CSRNP3: variants seen among roughly 807,000 people sequenced by gnomAD.
CSRNP3 encodes cysteine/serine-rich nuclear protein 3.
Under a neutral mutation model 48.0 loss-of-function variants are expected in CSRNP3, and 12 were observed. The observed-to-expected ratio is 0.25, with a 90% CI of 0.16 to 0.41. The LOEUF is 0.41. Ranked by LOEUF, CSRNP3 falls within the 10% of genes least tolerant of loss-of-function variation. The pLI is 1.00. For synonymous variants in CSRNP3, 263 were observed against 269.7 expected, an observed-to-expected ratio of 0.98 and a Z score of 0.24; for missense variants, 580 against 724.4, an observed-to-expected ratio of 0.80 and a Z score of 2.29.
intron 4 of CSRNP3, among the ~76,000 whole-genome samples, chr2:165,647,259 T>C (rs1686829158): frequency 6.6e-6 from 1 of 152,242 alleles, no homozygotes; most frequent in African/African-American, 2.4e-5. Context: ...TAATGGATTT[T>C]AGCAAGTATT....
At chr2:165,565,033 C>G (rs1433753915) in intron 3 of CSRNP3, among the ~76,000 whole-genome samples, 1 of 151,952 alleles carries the variant, frequency 6.6e-6, no homozygotes, top group East Asian at 1.9e-4. Context: ...GAAACAGTAG[C>G]AGTATAACGC....
At chr2:165,607,292 T>G (rs1055390571) in intron 4 of CSRNP3, among the ~76,000 whole-genome samples, 1 of 152,182 alleles carries the variant, frequency 6.6e-6, no homozygotes, top group African/African-American at 2.4e-5. Context: ...AGAAGAACCT[T>G]GTAGCACCAT....
intron 3 of CSRNP3, among the ~76,000 whole-genome samples, chr2:165,563,445 A>G (rs574478112): frequency 6.6e-6 from 1 of 152,064 alleles, no homozygotes; most frequent in Non-Finnish European, 1.5e-5. Context: ...TTTTTTGTCT[A>G]TAAATCTTAT....
Position 165,592,863 on chromosome 2 carries a change from G to A in CSRNP3, c.-23-2180G>A, listed in dbSNP as rs367826959. On this transcript the variant is annotated intron_variant, in intron 3 of 6. Coordinates refer to ENST00000651982, the MANE Select transcript of CSRNP3 (RefSeq NM_001172173.2). ...GTCGCCCAGGCTGGAGTGCAGTGGC[G>A]GGATCTCGGCTCACTGCAAGCTCCA... 2.0e-3 allele frequency among the ~76,000 whole-genome samples: 287 copies of A among 145,556 alleles called. 2 individuals are homozygous for A. The highest frequency in any genetic ancestry group is 3.5e-3 in the Middle Eastern group (1 of 282).
At chr2:165,669,436 G>A (rs1255124926) in intron 5 of CSRNP3, among the ~76,000 whole-genome samples, 4 of 152,144 alleles carry the variant, frequency 2.6e-5, no homozygotes, top group Admixed American at 6.5e-5. Context: ...TAAAATTTAT[G>A]GAAGAACTCA....
intron 2 of CSRNP3, among the ~76,000 whole-genome samples, chr2:165,505,705 A>G (rs1208493853): frequency 6.6e-6 from 1 of 152,132 alleles, no homozygotes; most frequent in Non-Finnish European, 1.5e-5. Context: ...TTTAATTTAA[A>G]TTATTTATTT....
At chr2:165,545,572 A>C (rs1030746896) in intron 3 of CSRNP3, among the ~76,000 whole-genome samples, 54 of 152,022 alleles carry the variant, frequency 3.6e-4, no homozygotes, top group African/African-American at 1.2e-3. Flanking sequence ...ATATGTAGAG[A>C]GGTATCTGGG....
intron 1 of CSRNP3, among the ~76,000 whole-genome samples, chr2:165,484,513 T>C (rs1439162132): frequency 2.0e-5 from 3 of 152,150 alleles, no homozygotes; most frequent in Non-Finnish European, 4.4e-5. Context: ...AAAATATAAA[T>C]CAAGTCATCT....
chr2:165,596,255 G>A (rs1428954745), intron 4 of CSRNP3, among the ~76,000 whole-genome samples: 1 of 151,458 alleles, frequency 6.6e-6, no homozygotes, highest in African/African-American at 2.4e-5. Context: ...TAGTCTAAAG[G>A]AAACTGACTA....
chr2:165,601,323 A>G (rs1342404401), intron 4 of CSRNP3, among the ~76,000 whole-genome samples: 1 of 152,202 alleles, frequency 6.6e-6, no homozygotes, highest in East Asian at 1.9e-4. Flanking sequence ...GTGCTGAGCC[A>G]TAGTCCCAAA....
rs143628499 is a variant in CSRNP3 at position 165,581,843 on chromosome 2, T to C, written c.-23-13200T>C. On this transcript the variant is annotated intron_variant, in intron 3 of 6. Transcript: ENST00000651982. ...TGAGCCACTGCGCCTGGCCCCCTTC[T>C]TTTGATAGAAGTGCAAACTGAGACC... Among the ~76,000 whole-genome samples the C allele has an allele frequency of 2.9e-3, 441 of 152,222 alleles. 1 individual carries two copies. The highest frequency in any genetic ancestry group is 0.01 in the African/African-American group (416 of 41,522).
intron 4 of CSRNP3, among the ~76,000 whole-genome samples, chr2:165,638,919 T>C (rs528957257): frequency 9.2e-5 from 14 of 152,338 alleles, no homozygotes; most frequent in Non-Finnish European, 2.1e-4. Context: ...TACAGAGCCG[T>C]TGCTCCTGGG....
At chr2:165,665,791 G>T (rs1342807355) in intron 5 of CSRNP3, among the ~76,000 whole-genome samples, 1 of 149,494 alleles carries the variant, frequency 6.7e-6, no homozygotes, top group African/African-American at 2.5e-5. Flanking sequence ...GAGAGAGAGA[G>T]AGAGAGAGAG....
At chr2:165,636,532 A>G (rs865985798) in intron 4 of CSRNP3, among the ~76,000 whole-genome samples, 17 of 152,186 alleles carry the variant, frequency 1.1e-4, no homozygotes, top group Admixed American at 4.6e-4. Context: ...CTCATAACCC[A>G]TAGCATCAAC....
intron 3 of CSRNP3, chr2:165,574,420 T>C (rs777939828): frequency 1.2e-5 from 18 of 1,549,140 alleles, no homozygotes; most frequent in Non-Finnish European, 1.6e-5. Context: ...AGTCGTTATA[T>C]AGTGCACGCA....
chr2:165,516,577 C>T, intron 2 of CSRNP3, among the ~76,000 whole-genome samples: 3 of 152,028 alleles, frequency 2.0e-5, no homozygotes, highest in Non-Finnish European at 4.4e-5. Flanking sequence ...TAAAAACATA[C>T]AATGTTATCT....
chr2:165,573,935 T>C (rs1685408491), intron 3 of CSRNP3, among the ~76,000 whole-genome samples: 1 of 152,156 alleles, frequency 6.6e-6, no homozygotes, highest in Admixed American at 6.6e-5. Flanking sequence ...ATTTGACTAT[T>C]TGGGTTTCCT....
chr2:165,478,475 A>C (rs528227891), intron 1 of CSRNP3, among the ~76,000 whole-genome samples: 26 of 152,330 alleles, frequency 1.7e-4, no homozygotes, highest in African/African-American at 6.0e-4. Flanking sequence ...AAGAGGTTTT[A>C]CTTCCAAAAG....
At chr2:165,641,352 A>G (rs1392261655) in intron 4 of CSRNP3, among the ~76,000 whole-genome samples, 1 of 152,178 alleles carries the variant, frequency 6.6e-6, no homozygotes, top group Non-Finnish European at 1.5e-5. Flanking sequence ...AATTCCTAAG[A>G]TTTACTAAAG....
Sources: allele counts gnomAD v4.1 joint callset (sites outside exome capture counted in the v4.1 genomes callset), GRCh38; gene constraint gnomAD v4.1.1; transcripts MANE v1.5; gene names NCBI Gene and HGNC (gene_info 2026-07-23, HGNC 2026-07-21).